DNAH17: variants seen among roughly 807,000 people sequenced by gnomAD.
DNAH17 encodes the protein dynein axonemal heavy chain 17, also known as axonemal beta dynein heavy chain 17.
In DNAH17, 376 loss-of-function variants were observed where a neutral mutation model predicts 485.6. That is an observed-to-expected ratio of 0.77 (90% CI 0.71 to 0.84). The LOEUF (loss-of-function observed/expected upper bound fraction) is 0.84, where lower values mean the gene tolerates loss of function less well. Ranked by LOEUF, DNAH17 falls within the 40% of genes least tolerant of loss-of-function variation. The pLI is 0.00. For missense variants in DNAH17, 6,370 were observed against 5,839.3 expected (o/e 1.09, Z -2.96); for synonymous variants, 3,031 against 2,405.9 (o/e 1.26, Z -7.60).
intron 54 of DNAH17, among the ~76,000 whole-genome samples, chr17:78,471,333 G>A (rs1219846596): frequency 1.3e-5 from 2 of 148,596 alleles, no homozygotes; most frequent in African/African-American, 5.3e-5. Context: ...AAAAGCAGGT[G>A]GGCAGCAGGT....
intron 26 of DNAH17, among the ~76,000 whole-genome samples, chr17:78,511,211 G>T (rs1008343027): frequency 1.3e-5 from 2 of 152,198 alleles, no homozygotes; most frequent in African/African-American, 4.8e-5. Flanking sequence ...GGGTTCAAGC[G>T]ATTCTCCTGC....
chr17:78,461,412 G>C (rs1024371352), intron 58 of DNAH17, 132 bp downstream of exon 58: 1 of 1,013,666 alleles, frequency 9.9e-7, no homozygotes, highest in Non-Finnish European at 1.3e-6. Context: ...CACTGGTTTA[G>C]GAACCTTGTC....
intron 9 of DNAH17, among the ~76,000 whole-genome samples, 196 bp from the exon 10 acceptor site, chr17:78,567,362 G>C (rs959543870): frequency 1.3e-5 from 2 of 152,086 alleles, no homozygotes; most frequent in African/African-American, 2.4e-5. Context: ...TGCAGAAAGA[G>C]GGGATGGAAG....
intron 9 of DNAH17, among the ~76,000 whole-genome samples, chr17:78,568,151 A>AC (rs2092298494): frequency 6.6e-6 from 1 of 151,976 alleles, no homozygotes; most frequent in African/African-American, 2.4e-5. Context: ...CATTTCCTCC[A>AC]CCTCCAAAGT....
intron 60 of DNAH17, 71 bp downstream of exon 60, chr17:78,459,713 C>G (rs2087999211): frequency 6.4e-7 from 1 of 1,566,058 alleles, no homozygotes; most frequent in Admixed American, 1.7e-5. Context: ...CATGCTTCAC[C>G]TCAGCATCGT....
chr17:78,432,706 T>G (rs574959669), intron 75 of DNAH17, among the ~76,000 whole-genome samples: 6 of 152,288 alleles, frequency 3.9e-5, no homozygotes, highest in African/African-American at 1.4e-4. Flanking sequence ...TGCCTGGGGC[T>G]TAGTGGCCCA....
At chr17:78,554,983 G>A (rs1432662807) in intron 14 of DNAH17, among the ~76,000 whole-genome samples, 2 of 152,134 alleles carry the variant, frequency 1.3e-5, no homozygotes, top group African/African-American at 2.4e-5. Flanking sequence ...CTGACCTCAA[G>A]TGATCCACCC....
Position 78,425,733 on chromosome 17 carries a change from C to T in DNAH17, c.12916-162G>A, listed in dbSNP as rs2086419570. On this transcript the variant is annotated intron_variant, in intron 79 of 80. Transcript: ENST00000389840. Reference sequence around the variant, plus strand: ...AGGGGCCATGGAGCCCAGCCACCTACCATGACGCAACTTTGGTGTCTGCTT... The same window carrying T: ...AGGGGCCATGGAGCCCAGCCACCTATCATGACGCAACTTTGGTGTCTGCTT... The T allele has an allele frequency of 5.0e-5, 26 of 515,122 alleles. 1 individual carries two copies. In the South Asian group the frequency reaches 8.6e-4, roughly 17 times the overall value. 31.9% of individuals were successfully genotyped at this position (515,122 alleles called of 1,614,324 possible). A position where few individuals can be genotyped will look rare whatever the true frequency, so the allele number is the denominator to read the frequency against.
rs937398501 is a variant in DNAH17 at position 78,485,635 on chromosome 17, C to T, written c.7398G>A (p.Gly2466=). ...CCGTGTTCAGGCTTTCCAGCTTGTC[C>T]CCCATCAGCACCGACTTGCCCGTCC... ...NAGTGKSVLM[G]DKLESLNTDN... Residue 2466 remains glycine (G), a synonymous_variant, in exon 47 of 81, where the codon GGG becomes GGA. Coordinates refer to ENST00000389840, the MANE Select transcript of DNAH17 (RefSeq NM_173628.4). The T allele has an allele frequency of 5.0e-6, 8 of 1,613,942 alleles. No individual in the cohort carries two copies. The highest frequency in any genetic ancestry group is 1.1e-5 in the South Asian group (1 of 91,070).
At chr17:78,566,569 C>T in intron 11 of DNAH17, 45 bp downstream of exon 11, 1 of 1,364,422 alleles carries the variant, frequency 7.3e-7, no homozygotes. Context: ...TCCACCACCA[C>T]AGTGCCAGGC....
At chr17:78,537,579 C>A (rs757389786) in intron 18 of DNAH17, 98 bp from the exon 19 acceptor site, 30 of 1,322,288 alleles carry the variant, frequency 2.3e-5, no homozygotes, top group Non-Finnish European at 3.0e-5. Context: ...CAATGTGTCA[C>A]TGCCTTCCAC....
At chr17:78,535,066 G>A (rs757695270) in intron 19 of DNAH17, among the ~76,000 whole-genome samples, 5 of 152,174 alleles carry the variant, frequency 3.3e-5, no homozygotes, top group Non-Finnish European at 7.3e-5. Context: ...CTGGGCAACA[G>A]GCCCTTCAGC....
In DNAH17 at chr17:78,428,710, G is replaced by A; in HGVS notation, c.12406-3C>T. 1 of 1,612,896 alleles carries A rather than the reference G, an allele frequency of 6.2e-7. No individual in the cohort carries two copies. Among genetic ancestry groups the A allele is most frequent in the Non-Finnish European group, 8.5e-7 (1 of 1,179,096 alleles). On this transcript the variant is annotated splice_polypyrimidine_tract_variant and splice_region_variant and intron_variant, in intron 76 of 80. Transcript: ENST00000389840. Reference sequence around the variant, plus strand: ...TCATCGATGTATTCGTGGTAACCCTGAAAAAGAGGGCAGTTTGTAAGCAGA... The same window carrying A: ...TCATCGATGTATTCGTGGTAACCCTAAAAAAGAGGGCAGTTTGTAAGCAGA...
rs370369320 is a variant in DNAH17 at position 78,468,868 on chromosome 17, G to C, written c.8527C>G (p.Gln2843Glu). 6.2e-6 allele frequency: 10 copies of C among 1,613,252 alleles called. No individual in the cohort carries two copies. The South Asian group carries it at 7.7e-5, about 12-fold the overall frequency. Reference sequence around the variant, plus strand: ...TTCTTCACGGCAGCCTTTATGTACTGAGCAGCGAGGTCAATCTGGACGGAG... The same window carrying C: ...TTCTTCACGGCAGCCTTTATGTACTCAGCAGCGAGGTCAATCTGGACGGAG... The part of the protein sequence containing the change: ...IPDLKIDLAA[Q>E]YIKAAVKNVP... The change falls in exon 55 of 81, where the codon CAG (glutamine) becomes GAG (glutamate). Residue 2843 changes from glutamine to glutamate, a missense_variant. Coordinates refer to ENST00000389840, the MANE Select transcript of DNAH17 (RefSeq NM_173628.4).
chr17:78,556,867 C>T (rs199759947), intron 14 of DNAH17, among the ~76,000 whole-genome samples: 2 of 152,184 alleles, frequency 1.3e-5, no homozygotes, highest in East Asian at 3.8e-4. Flanking sequence ...CTACATGCAA[C>T]AACATAGATT....
rs1409574445 is a variant in DNAH17, at chr17:78,526,920, T to C, written c.3584A>G (p.Asn1195Ser). Residue 1195 changes from asparagine to serine, a missense_variant, in exon 23 of 81, where the codon AAC becomes AGC. Transcript: ENST00000389840. Reference sequence around the variant, plus strand: ...TTTCCGCCGCAGGATGCTGACCTCGTTGGCCTGGAGTGGTGCCACGGTCAG... The same window carrying C: ...TTTCCGCCGCAGGATGCTGACCTCGCTGGCCTGGAGTGGTGCCACGGTCAG... ...VKLTVAPLQA[N>S]EVSILRRKCQ... is the part of the protein sequence containing the mutation. The C allele has an allele frequency of 6.3e-7, 1 of 1,585,768 alleles. No individual in the cohort carries two copies. The highest frequency in any genetic ancestry group is 8.6e-7 in the Non-Finnish European group (1 of 1,165,700).
At chr17:78,452,463 C>T (rs560577277) in intron 65 of DNAH17, among the ~76,000 whole-genome samples, 17 of 152,180 alleles carry the variant, frequency 1.1e-4, no homozygotes, top group East Asian at 5.8e-4. Flanking sequence ...AAAGGCCGGG[C>T]GCGGTGGCTC....
intron 56 of DNAH17, among the ~76,000 whole-genome samples, chr17:78,463,767 G>A (rs993987746): frequency 7.9e-5 from 12 of 152,218 alleles, no homozygotes; most frequent in Non-Finnish European, 1.5e-4. Flanking sequence ...CTACCTGAAC[G>A]CAGGCACTGG....
At chr17:78,431,240 A>T (rs2062215748) in intron 75 of DNAH17, among the ~76,000 whole-genome samples, 1 of 152,160 alleles carries the variant, frequency 6.6e-6, no homozygotes. Flanking sequence ...AGCGACTTAC[A>T]ACCTTCTCTG....
Sources: allele counts gnomAD v4.1 joint callset (sites outside exome capture counted in the v4.1 genomes callset), GRCh38; gene constraint gnomAD v4.1.1; transcripts MANE v1.5; gene names NCBI Gene and HGNC (gene_info 2026-07-23, HGNC 2026-07-21).